SYNDIG1: variants seen among roughly 807,000 people sequenced by gnomAD.
SYNDIG1 encodes synapse differentiation-inducing gene protein 1.
SYNDIG1 carries 9 observed loss-of-function variants against 19.4 expected under a neutral mutation model. The ratio of observed to expected loss-of-function variants is 0.46; its 90% CI spans 0.28 to 0.81. SYNDIG1 has a LOEUF of 0.81. Among genes scored for constraint, SYNDIG1 ranks in the 30% least tolerant of loss-of-function variants. SYNDIG1 has a pLI of 0.12. For missense variants in SYNDIG1, 311 were observed against 343.3 expected, an observed-to-expected ratio of 0.91 and a Z score of 0.74; for synonymous variants, 141 against 145.9, an observed-to-expected ratio of 0.97 and a Z score of 0.24.
intron 2 of SYNDIG1, among the ~76,000 whole-genome samples, chr20:24,550,503 C>T (rs533434210): frequency 1.1e-4 from 15 of 140,914 alleles, no homozygotes; most frequent in African/African-American, 3.5e-4. Context: ...TGGTATATTA[C>T]GTTAACTGCT....
chr20:24,483,917 C>T (rs971120881), intron 1 of SYNDIG1, among the ~76,000 whole-genome samples: 2 of 152,088 alleles, frequency 1.3e-5, no homozygotes, highest in African/African-American at 2.4e-5. Context: ...AGCCAAGACT[C>T]GGAATGCGAA....
rs148271774 is a variant in SYNDIG1, at chr20:24,653,324, C to T, written c.619-12022C>T. ...ATCAGCCAGTCCACTCCACCACCAC[C>T]GTGAGGAGGCAGGGCTGGGAGCTCC... On this transcript the variant is annotated intron_variant, in intron 3 of 3. Transcript: ENST00000376862. 9.0e-3 allele frequency among the ~76,000 whole-genome samples: 1,373 copies of T among 152,212 alleles called. 24 individuals are homozygous for T. The highest frequency in any genetic ancestry group is 0.031 in the African/African-American group (1,276 of 41,520).
chr20:24,599,370 T>C (rs554913105), intron 3 of SYNDIG1, among the ~76,000 whole-genome samples: 3 of 152,196 alleles, frequency 2.0e-5, no homozygotes, highest in Non-Finnish European at 4.4e-5. Context: ...ATGGGAACTC[T>C]TATATACTGT....
intron 3 of SYNDIG1, among the ~76,000 whole-genome samples, chr20:24,640,473 A>AT (rs2059363439): frequency 1.0e-5 from 1 of 100,496 alleles, no homozygotes; most frequent in African/African-American, 4.3e-5. Context: ...AGGGAGGGAA[A>AT]GAAGGAAGGA....
chr20:24,527,729 G>A (rs993335625), intron 1 of SYNDIG1, among the ~76,000 whole-genome samples: 2 of 152,056 alleles, frequency 1.3e-5, no homozygotes, highest in Non-Finnish European at 2.9e-5. Flanking sequence ...TATTGCAATC[G>A]ACAGAACAGT....
intron 1 of SYNDIG1, among the ~76,000 whole-genome samples, chr20:24,476,231 G>T (rs1172652565): frequency 6.6e-6 from 1 of 152,014 alleles, no homozygotes; most frequent in African/African-American, 2.4e-5. Context: ...ATTCATTTCA[G>T]TACTCTAATA....
chr20:24,640,310 A>G (rs942205883), intron 3 of SYNDIG1, among the ~76,000 whole-genome samples: 1 of 151,716 alleles, frequency 6.6e-6, no homozygotes, highest in Non-Finnish European at 1.5e-5. Context: ...GACAGTGAGA[A>G]AAAAAAGAAG....
chr20:24,476,598 A>G (rs2055633689), intron 1 of SYNDIG1, among the ~76,000 whole-genome samples: 2 of 152,004 alleles, frequency 1.3e-5, no homozygotes, highest in South Asian at 4.2e-4. Context: ...TGAACCTGGG[A>G]AGTGGAGCTT....
chr20:24,588,625 C>A (rs951609164), intron 3 of SYNDIG1, among the ~76,000 whole-genome samples: 3 of 152,090 alleles, frequency 2.0e-5, no homozygotes, highest in Non-Finnish European at 2.9e-5. Flanking sequence ...GCCGTGGTGA[C>A]CTGTGCTGCA....
chr20:24,505,865 G>A lies in SYNDIG1; in HGVS notation c.-79+36112G>A, dbSNP rs368182527. Among the ~76,000 whole-genome samples, 20 of 152,352 alleles carry A rather than the reference G, an allele frequency of 1.3e-4. No individual in the cohort carries two copies. In the East Asian group the frequency reaches 2.9e-3, roughly 22 times the overall value. On this transcript the variant is annotated intron_variant, in intron 1 of 3. Transcript: ENST00000376862. ...GAGACATGCCATTAAAAGAGTTGAA[G>A]CATTTTCAGTTGTCTCATTCTCCCT...
chr20:24,651,695 G>C (rs2059475985), intron 3 of SYNDIG1, among the ~76,000 whole-genome samples: 1 of 152,222 alleles, frequency 6.6e-6, no homozygotes, highest in African/African-American at 2.4e-5. Flanking sequence ...TTCTTGACCT[G>C]CTTCCTGCAT....
At chr20:24,509,918 C>T (rs971224435) in intron 1 of SYNDIG1, among the ~76,000 whole-genome samples, 3 of 152,090 alleles carry the variant, frequency 2.0e-5, no homozygotes, top group Non-Finnish European at 4.4e-5. Context: ...AACGGTTTAG[C>T]GCTGACCCCT....
chr20:24,606,048 T>G (rs561628112), intron 3 of SYNDIG1, among the ~76,000 whole-genome samples: 7 of 152,380 alleles, frequency 4.6e-5, no homozygotes, highest in African/African-American at 1.4e-4. Flanking sequence ...CCTACAGCAC[T>G]ATGGTTTTGT....
chr20:24,535,168 G>C (rs1488714589), intron 1 of SYNDIG1, among the ~76,000 whole-genome samples: 5 of 152,206 alleles, frequency 3.3e-5, no homozygotes, highest in Non-Finnish European at 7.3e-5. Context: ...GATGAGATGG[G>C]AACCATTGCC....
chr20:24,570,074 G>C (rs923413533), intron 2 of SYNDIG1, among the ~76,000 whole-genome samples: 2 of 152,192 alleles, frequency 1.3e-5, no homozygotes, highest in African/African-American at 2.4e-5. Flanking sequence ...ATTTTATAAT[G>C]TTATAGAGTT....
At chr20:24,607,154 G>C (rs2147153607) in intron 3 of SYNDIG1, among the ~76,000 whole-genome samples, 3 of 152,242 alleles carry the variant, frequency 2.0e-5, no homozygotes, top group Middle Eastern at 6.8e-3. Context: ...GAGGTCAGGA[G>C]TTCGAGACCA....
chr20:24,598,764 C>T (rs1025080201), intron 3 of SYNDIG1, among the ~76,000 whole-genome samples: 3 of 152,184 alleles, frequency 2.0e-5, no homozygotes, highest in Non-Finnish European at 4.4e-5. Flanking sequence ...CTCCATTTAT[C>T]CCAAAGGGTC....
At chr20:24,618,359 G>A (rs1020638028) in intron 3 of SYNDIG1, among the ~76,000 whole-genome samples, 9 of 151,620 alleles carry the variant, frequency 5.9e-5, no homozygotes, top group African/African-American at 1.9e-4. Context: ...CGGGGAGGGG[G>A]GAGAGCCTGG....
intron 2 of SYNDIG1, among the ~76,000 whole-genome samples, chr20:24,566,100 G>T (rs1176589540): frequency 6.6e-6 from 1 of 152,148 alleles, no homozygotes; most frequent in Non-Finnish European, 1.5e-5. Context: ...ATGCAGGGGA[G>T]CTGTCTCAGC....
Sources: gnomAD v4.1 joint callset for allele counts (sites outside exome capture counted in the v4.1 genomes callset) on GRCh38, gnomAD v4.1.1 for gene constraint, MANE v1.5 for transcripts, NCBI Gene and HGNC (gene_info 2026-07-23, HGNC 2026-07-21) for gene names.